TNKS1BP1: variants seen among roughly 807,000 people sequenced by gnomAD.
TNKS1BP1 encodes the protein CCR4-NOT transcription complex subunit 12, also known as 182 kDa tankyrase-1-binding protein.
TNKS1BP1 carries 48 observed loss-of-function variants against 141.1 expected under a neutral mutation model. That is an observed-to-expected ratio of 0.34 (90% CI 0.27 to 0.43). TNKS1BP1 has a LOEUF of 0.43. Ranked by LOEUF, TNKS1BP1 falls within the 20% of genes least tolerant of loss-of-function variation. The probability of loss-of-function intolerance (pLI) is 1.00; values close to 1 mark genes in which losing one functional copy is unlikely to be tolerated. For missense variants in TNKS1BP1, 2,149 were observed against 2,226.0 expected (o/e 0.97, Z 0.70); for synonymous variants, 875 against 898.2 (o/e 0.97, Z 0.46).
At chr11:57,317,752 TG>T in intron 4 of TNKS1BP1, 65 bp downstream of exon 4, 2 of 1,470,744 alleles carry the variant, frequency 1.4e-6, no homozygotes, top group African/African-American at 2.8e-5. Context: ...GTAGAAAAGA[TG>T]ATCTCATATG....
rs779437062 is a variant in TNKS1BP1, at chr11:57,309,030, C to G, written c.3681G>C (p.Trp1227Cys). 1 of 1,614,186 alleles carries G rather than the reference C, an allele frequency of 6.2e-7. No homozygotes were observed. The highest frequency in any genetic ancestry group is 8.5e-7 in the Non-Finnish European group (1 of 1,180,034). The change falls in exon 6 of 12, where the codon TGG becomes TGC. Residue 1227 changes from tryptophan (W) to cysteine (C), a missense_variant. Transcript: ENST00000358252. This position sits in a 1 kb window ranked among gnomAD's most constrained non-coding sequence, Gnocchi z 4.3. ...PGGIGVGEKD[W>C]TSDVNVKSKD... ...TGCTCTTCACATTAACATCAGAAGT[C>G]CAGTCCTTCTCCCCAACTCCGATTC...
Position 57,320,638 on chromosome 11 carries a change from G to A in TNKS1BP1, c.169C>T (p.Pro57Ser). 1 of 1,613,176 alleles carries A rather than the reference G, an allele frequency of 6.2e-7. No individual in the cohort carries two copies. Among genetic ancestry groups the A allele is most frequent in the Non-Finnish European group, 8.5e-7 (1 of 1,179,836 alleles). Residue 57 changes from proline to serine, a missense_variant, in exon 3 of 12, where the codon CCC becomes TCC. Transcript: ENST00000358252. ...LPAKPALPAKPSLLVPVGPRP... is the reference protein window; with the variant it reads ...LPAKPALPAKSSLLVPVGPRP... ...GGCCCAACAGGCACCAGCAGGCTGG[G>A]TTTGGCAGGCAGGGCTGGCTTGGCA...
At chr11:57,321,975 GAA>G (rs1590597968) in intron 1 of TNKS1BP1, 25 bp from the exon 2 acceptor site, 4 of 1,498,258 alleles carry the variant, frequency 2.7e-6, no homozygotes, top group Non-Finnish European at 3.6e-6. Flanking sequence ...AGAAGAGAAG[GAA>G]AAAAAGAGTT....
Position 57,310,075 on chromosome 11 carries a change from C to A in TNKS1BP1, c.2636G>T (p.Arg879Leu). 6.8e-6 allele frequency: 11 copies of A among 1,614,190 alleles called. No homozygotes were observed. The highest frequency in any genetic ancestry group is 9.3e-6 in the Non-Finnish European group (11 of 1,180,038). Residue 879 changes from arginine to leucine, a missense_variant, in exon 6 of 12, where the codon CGA (arginine) becomes CTA (leucine). Coordinates refer to ENST00000358252, the MANE Select transcript of TNKS1BP1 (RefSeq NM_033396.3). ...KRDSLGTYSS[R>L]DVSLGDWEFG... Reference sequence around the variant, plus strand: ...TTCCCAGTCCCCAAGGCTTACATCTCGACTACTGTAGGTACCCAGTGAATC... The same window carrying A: ...TTCCCAGTCCCCAAGGCTTACATCTAGACTACTGTAGGTACCCAGTGAATC...
chr11:57,302,630 T>C lies in TNKS1BP1; in HGVS notation c.4512A>G (p.Pro1504=), dbSNP rs774408884. The change falls in exon 7 of 12, where the codon CCA becomes CCG. Residue 1504 remains proline, a synonymous_variant. Transcript: ENST00000358252. The surrounding 1 kb of genome is among the most constrained non-coding windows in gnomAD (Gnocchi z 5.5). ...CATCAGGCTGCGGCCTCCAGGAGGG[T>C]GGAGAGTCCCTGCCAGGCTCCAGCA... ...EEVLEPGRDS[P]PSWRPQPDGE... 2.5e-6 allele frequency: 4 copies of C among 1,611,444 alleles called. No individual in the cohort carries two copies. The highest frequency in any genetic ancestry group is 3.4e-6 in the Non-Finnish European group (4 of 1,179,452).
intron 4 of TNKS1BP1, among the ~76,000 whole-genome samples, chr11:57,314,314 C>T (rs151072226): frequency 6.1e-4 from 93 of 152,238 alleles, no homozygotes; most frequent in African/African-American, 8.4e-4. Context: ...GAGAGGGTTT[C>T]GCGTCCAAGC....
At position 57,302,957 on chromosome 11, in the gene TNKS1BP1, C is replaced by G; in HGVS notation, c.4317-132G>C. ...CTCCTTCCCATGCTTTTTCCAGACT[C>G]CAAGGACACGGTCAGGGCCTTGAGC... On this transcript the variant is annotated intron_variant, in intron 6 of 11. Coordinates refer to ENST00000358252, the MANE Select transcript of TNKS1BP1 (RefSeq NM_033396.3). The surrounding 1 kb of genome is among the most constrained non-coding windows in gnomAD (Gnocchi z 5.5). The G allele has an allele frequency of 1.7e-6, 2 of 1,160,430 alleles. No individual in the cohort carries two copies. Among genetic ancestry groups the G allele is most frequent in the African/African-American group, 1.5e-5 (1 of 64,804 alleles). The allele number at this position is 1,160,430 out of a possible 1,614,324, so 71.9% of individuals were successfully genotyped here.
chr11:57,317,977 T>G (rs189085590), intron 3 of TNKS1BP1, 90 bp from the exon 4 acceptor site: 1 of 1,237,476 alleles, frequency 8.1e-7, no homozygotes, highest in Non-Finnish European at 1.2e-6. Flanking sequence ...AGTGCAACTT[T>G]AACAGCACCC....
chr11:57,317,953 T>C, intron 3 of TNKS1BP1, 66 bp from the exon 4 acceptor site: 1 of 1,506,986 alleles, frequency 6.6e-7, no homozygotes, highest in African/African-American at 1.4e-5. Flanking sequence ...ATGGAAAATG[T>C]GGGAGAGTCT....
At position 57,313,499 on chromosome 11, in the gene TNKS1BP1, A is replaced by G. The variant is rs1328288675; in HGVS notation, c.1189T>C (p.Leu397=). ...SPRPLIEVGE[L]LDLTRTFPSG... The stretch of plus-strand genomic sequence containing the variant: ...GGAAACGTCCGAGTGAGATCCAGCA[A>G]CTCACCCACCTCGATCAGGGGCCGG... Residue 397 remains leucine (L), a synonymous_variant, in exon 5 of 12, where the codon TTG becomes CTG. Transcript: ENST00000358252. The G allele has an allele frequency of 6.3e-7, 1 of 1,575,064 alleles. No individual in the cohort carries two copies. Among genetic ancestry groups the G allele is most frequent in the African/African-American group, 1.4e-5 (1 of 73,886 alleles).
At chr11:57,316,385 T>G (rs1456089716) in intron 4 of TNKS1BP1, among the ~76,000 whole-genome samples, 1 of 152,130 alleles carries the variant, frequency 6.6e-6, no homozygotes. Flanking sequence ...AAGTGTTCCT[T>G]TCAAATTTGC....
rs1855869392 is a variant in TNKS1BP1, at chr11:57,320,538, T to C, written c.269A>G (p.Tyr90Cys). Reference protein sequence around the residue: ...KMNMLAGPQPYGGSKRPLPFA... With the variant: ...KMNMLAGPQPCGGSKRPLPFA... ...GGGAAGGGGGCGCTTGCTGCCACCA[T>C]AGGGCTGGGGTCCTGCCAGCATGTT... Residue 90 changes from tyrosine (Y) to cysteine (C), a missense_variant, in exon 3 of 12, where the codon TAT becomes TGT. Coordinates refer to ENST00000358252, the MANE Select transcript of TNKS1BP1 (RefSeq NM_033396.3). 1.2e-6 allele frequency: 2 copies of C among 1,613,888 alleles called. No individual in the cohort carries two copies. The highest frequency in any genetic ancestry group is 1.7e-6 in the Non-Finnish European group (2 of 1,179,868).
chr11:57,319,294 C>T (rs1565046336), intron 3 of TNKS1BP1, among the ~76,000 whole-genome samples: 2 of 152,306 alleles, frequency 1.3e-5, no homozygotes, highest in South Asian at 2.1e-4. Flanking sequence ...AGAGCTGGCA[C>T]TTAAGAGCAG....
chr11:57,310,511 T>G lies in TNKS1BP1; in HGVS notation c.2200A>C (p.Ile734Leu), dbSNP rs765117333. 6.2e-7 allele frequency: 1 copy of G among 1,608,534 alleles called. No individual in the cohort carries two copies. The highest frequency in any genetic ancestry group is 1.1e-5 in the South Asian group (1 of 91,070). The stretch of plus-strand genomic sequence containing the variant: ...CTGCTGGGCTGTGGGTCTCCTGTGA[T>G]CCCAAATTCACTCTGCAGATCTTTC... The part of the protein sequence containing the change: ...SQKDLQSEFG[I>L]TGDPQPSSFS... Residue 734 changes from isoleucine to leucine, a missense_variant, in exon 6 of 12, where the codon ATC becomes CTC. By Grantham distance (5) the Ile-to-Leu change is conservative. Coordinates refer to ENST00000358252, the MANE Select transcript of TNKS1BP1 (RefSeq NM_033396.3).
chr11:57,311,667 G>A (rs918010956), intron 5 of TNKS1BP1, among the ~76,000 whole-genome samples: 1 of 149,562 alleles, frequency 6.7e-6, no homozygotes, highest in South Asian at 2.1e-4. Flanking sequence ...CTGCAGCCCC[G>A]CCCCTTGCAG....
chr11:57,302,372 C>G lies in TNKS1BP1; in HGVS notation c.4683+87G>C, dbSNP rs1855538485. The G allele has an allele frequency of 1.3e-6, 2 of 1,543,834 alleles. No individual in the cohort carries two copies. Among genetic ancestry groups the G allele is most frequent in the South Asian group, 1.2e-5 (1 of 81,110 alleles). ...TACAACCCGCTTTCTGCCTCCTGGACTGGGACTGCTCAGGGAAGCTCCAGG... is the reference window on the plus strand; with the variant it reads ...TACAACCCGCTTTCTGCCTCCTGGAGTGGGACTGCTCAGGGAAGCTCCAGG... On this transcript the variant is annotated intron_variant, in intron 7 of 11. Transcript: ENST00000358252. The surrounding 1 kb of genome is among the most constrained non-coding windows in gnomAD (Gnocchi z 5.5).
chr11:57,302,249 C>A lies in TNKS1BP1; in HGVS notation c.4684-25G>T, dbSNP rs763206652. On this transcript the variant is annotated intron_variant, in intron 7 of 11. Transcript: ENST00000358252. This position sits in a 1 kb window ranked among gnomAD's most constrained non-coding sequence, Gnocchi z 5.5. Reference sequence around the variant, plus strand: ...CCTGCTTGGGGCAATGGTGACACCACTGCCATTGCTGCCTCATCCCACGGG... The same window carrying A: ...CCTGCTTGGGGCAATGGTGACACCAATGCCATTGCTGCCTCATCCCACGGG... 1 of 1,595,014 alleles carries A rather than the reference C, an allele frequency of 6.3e-7. No individual in the cohort carries two copies. The highest frequency in any genetic ancestry group is 8.6e-7 in the Non-Finnish European group (1 of 1,168,502).
At position 57,301,969 on chromosome 11, in the gene TNKS1BP1, A is replaced by G. The variant is rs766793560; in HGVS notation, c.4835-26T>C. ...CTGCAAAGGCCCGGGAAAGGGGCTCAGAAAAGGCAGCACACCCAGACTCCC... is the reference window on the plus strand; with the variant it reads ...CTGCAAAGGCCCGGGAAAGGGGCTCGGAAAAGGCAGCACACCCAGACTCCC... On this transcript the variant is annotated intron_variant, in intron 8 of 11. Coordinates refer to ENST00000358252, the MANE Select transcript of TNKS1BP1 (RefSeq NM_033396.3). 7 of 1,611,298 alleles carry G rather than the reference A, an allele frequency of 4.3e-6. No homozygotes were observed. The Admixed American group carries it at 1.2e-4, about 27-fold the overall frequency.
chr11:57,314,021 C>G, intron 4 of TNKS1BP1, 132 bp from the exon 5 acceptor site: 1 of 1,094,586 alleles, frequency 9.1e-7, no homozygotes, highest in South Asian at 2.4e-5. Context: ...CCGAGGGGGT[C>G]CTCTTGGGAT....
Sources: gnomAD v4.1 joint callset for allele counts (sites outside exome capture counted in the v4.1 genomes callset) on GRCh38, gnomAD v4.1.1 for gene constraint, Gnocchi (gnomAD v3.1) non-coding constraint, MANE v1.5 for transcripts, NCBI Gene and HGNC (gene_info 2026-07-23, HGNC 2026-07-21) for gene names.